Variants in LRMDA observed in about 807,000 individuals in gnomAD.
LRMDA encodes leucine rich melanocyte differentiation associated, also known as leucine-rich melanocyte differentiation-associated protein.
LRMDA carries 18 observed loss-of-function variants against 29.8 expected under a neutral mutation model. That is an observed-to-expected ratio of 0.60 (90% CI 0.42 to 0.90). The LOEUF (loss-of-function observed/expected upper bound fraction) is 0.90. Ranked by LOEUF, LRMDA falls within the 40% of genes least tolerant of loss-of-function variation. The pLI, the probability that LRMDA is intolerant of heterozygous loss-of-function variation, is 0.00. For missense variants in LRMDA, 273 were observed against 273.9 expected, an observed-to-expected ratio of 1.00 and a Z score of 0.02; for synonymous variants, 125 against 109.4, an observed-to-expected ratio of 1.14 and a Z score of -0.89.
intron 2 of LRMDA, among the ~76,000 whole-genome samples, chr10:75,798,091 C>G (rs959353494): frequency 6.6e-6 from 1 of 151,874 alleles, no homozygotes; most frequent in Non-Finnish European, 1.5e-5. Flanking sequence ...TTTCCATGTG[C>G]TAATTGGCTA....
intron 5 of LRMDA, among the ~76,000 whole-genome samples, chr10:76,147,839 A>G (rs1264599657): frequency 6.6e-6 from 1 of 151,928 alleles, no homozygotes; most frequent in East Asian, 1.9e-4. Flanking sequence ...GTCTTTGATG[A>G]TGGTGACGTA....
chr10:76,415,333 G>A (rs759400611), intron 6 of LRMDA, among the ~76,000 whole-genome samples: 1 of 152,198 alleles, frequency 6.6e-6, no homozygotes, highest in African/African-American at 2.4e-5. Context: ...TTTCTGTCCA[G>A]AAGAGCTTTA....
intron 6 of LRMDA, among the ~76,000 whole-genome samples, chr10:76,503,197 T>G (rs1353298821): frequency 1.3e-5 from 2 of 152,010 alleles, no homozygotes; most frequent in Non-Finnish European, 2.9e-5. Context: ...TGGATCACAT[T>G]TATTGATTTG....
intron 2 of LRMDA, among the ~76,000 whole-genome samples, chr10:75,864,609 A>G (rs1033945821): frequency 2.0e-4 from 31 of 152,342 alleles, no homozygotes; most frequent in Non-Finnish European, 1.6e-4. Context: ...TATCTCCATC[A>G]TTTAATGGAA....
chr10:76,056,176 G>A (rs760102602), intron 4 of LRMDA, among the ~76,000 whole-genome samples: 5 of 152,184 alleles, frequency 3.3e-5, no homozygotes, highest in Non-Finnish European at 5.9e-5. Flanking sequence ...TCAGCAGAGA[G>A]GAGACCCAGA....
In LRMDA at chr10:76,366,763, G is replaced by A. The variant is rs933340851; in HGVS notation, c.601+42278G>A. Among the ~76,000 whole-genome samples, 10 of 152,234 alleles carry A rather than the reference G, an allele frequency of 6.6e-5. No individual in the cohort carries two copies. In the South Asian group the frequency reaches 1.0e-3, roughly 16 times the overall value. The stretch of plus-strand genomic sequence containing the variant: ...CTTTATTTCTTTCTCTTGTCTGATT[G>A]CTCTGGCTAGGACTTCCAGTACTAT... On this transcript the variant is annotated intron_variant, in intron 6 of 6. Coordinates refer to ENST00000611255, the MANE Select transcript of LRMDA (RefSeq NM_001305581.2).
chr10:75,954,548 C>T (rs1846632994), intron 2 of LRMDA, among the ~76,000 whole-genome samples: 1 of 152,184 alleles, frequency 6.6e-6, no homozygotes, highest in African/African-American at 2.4e-5. Context: ...CAGGGTCTGC[C>T]ATGTTTGTCT....
intron 5 of LRMDA, among the ~76,000 whole-genome samples, chr10:76,186,544 G>T (rs1175711392): frequency 1.3e-5 from 2 of 152,336 alleles, no homozygotes; most frequent in East Asian, 3.9e-4. Flanking sequence ...GGTTTCCTCT[G>T]TTGAGAAGTC....
chr10:76,434,337 CTCTT>C (rs1251567170), intron 6 of LRMDA, among the ~76,000 whole-genome samples: 4 of 152,064 alleles, frequency 2.6e-5, no homozygotes, highest in Non-Finnish European at 4.4e-5. Flanking sequence ...CTCTCTCTCT[CTCTT>C]TAATTTTCTT....
chr10:75,758,750 C>T (rs1843061860), intron 2 of LRMDA, among the ~76,000 whole-genome samples: 1 of 152,160 alleles, frequency 6.6e-6, no homozygotes, highest in African/African-American at 2.4e-5. Context: ...TTTTTATTTA[C>T]ACTGTTTAAT....
At chr10:75,753,804 G>A (rs897974936) in intron 2 of LRMDA, among the ~76,000 whole-genome samples, 1 of 152,144 alleles carries the variant, frequency 6.6e-6, no homozygotes, top group Non-Finnish European at 1.5e-5. Flanking sequence ...TGGAAGTGGG[G>A]TAAGGGGGTC....
intron 2 of LRMDA, among the ~76,000 whole-genome samples, chr10:75,905,236 C>CT (rs200409197): frequency 0.018 from 2,364 of 132,976 alleles, 26 homozygotes; most frequent in Admixed American, 0.04. Context: ...TCTCCTGCCT[C>CT]TTTTTTTTTT....
chr10:75,453,486 A>C (rs566076027), intron 2 of LRMDA, among the ~76,000 whole-genome samples: 4 of 152,304 alleles, frequency 2.6e-5, no homozygotes, highest in African/African-American at 9.6e-5. Context: ...GATCATTTAG[A>C]TGTATTCTTT....
At chr10:75,907,626 C>G (rs1266904035) in intron 2 of LRMDA, among the ~76,000 whole-genome samples, 2 of 152,188 alleles carry the variant, frequency 1.3e-5, no homozygotes, top group Non-Finnish European at 2.9e-5. Context: ...GCTGCTGTTA[C>G]TTTACAGTAG....
chr10:76,279,648 C>T (rs768273251), intron 5 of LRMDA, among the ~76,000 whole-genome samples: 2 of 148,976 alleles, frequency 1.3e-5, no homozygotes, highest in African/African-American at 2.5e-5. Context: ...CGGGTTCAAG[C>T]GATTCTCCTG....
chr10:75,824,564 C>A (rs768377093), intron 2 of LRMDA, among the ~76,000 whole-genome samples: 18 of 152,236 alleles, frequency 1.2e-4, no homozygotes, highest in Admixed American at 2.6e-4. Flanking sequence ...TCTAGGAAAC[C>A]CTGATTCTTA....
At chr10:75,646,782 T>A (rs895356409) in intron 2 of LRMDA, among the ~76,000 whole-genome samples, 2 of 152,138 alleles carry the variant, frequency 1.3e-5, no homozygotes. Context: ...CGAATTGGGA[T>A]GAGTTGGGCA....
chr10:76,538,090 T>G (rs1843309693), intron 6 of LRMDA, among the ~76,000 whole-genome samples: 1 of 152,244 alleles, frequency 6.6e-6, no homozygotes, highest in Non-Finnish European at 1.5e-5. Context: ...AGTTGTACTA[T>G]AGATTTAATA....
chr10:76,294,206 G>A (rs936121481), intron 5 of LRMDA, among the ~76,000 whole-genome samples: 1 of 152,178 alleles, frequency 6.6e-6, no homozygotes, highest in Non-Finnish European at 1.5e-5. Context: ...GTGTGTGTTT[G>A]TGTTAATCCT....
Sources: gnomAD v4.1 joint callset for allele counts (sites outside exome capture counted in the v4.1 genomes callset) on GRCh38, gnomAD v4.1.1 for gene constraint, MANE v1.5 for transcripts, NCBI Gene and HGNC (gene_info 2026-07-23, HGNC 2026-07-21) for gene names.